The following TBX1 variants were observed in gnomAD, a reference collection of about 807,000 sequenced individuals.
TBX1 encodes the protein T-box transcription factor 1.
A neutral mutation model predicts 40.8 loss-of-function variants in TBX1; 16 were observed. The observed-to-expected ratio is 0.39, with a 90% confidence interval of 0.27 to 0.60. The LOEUF is 0.60. Ranked by LOEUF, TBX1 falls within the 20% of genes least tolerant of loss-of-function variation. TBX1 has a pLI of 0.51. For missense variants in TBX1, 755 were observed against 728.5 expected, an observed-to-expected ratio of 1.04 and a Z score of -0.42; for synonymous variants, 403 against 336.8, an observed-to-expected ratio of 1.20 and a Z score of -2.15.
chr22:19,767,470 C>T, downstream of TBX1: 1 of 846,698 alleles, frequency 1.2e-6, no homozygotes, highest in Non-Finnish European at 1.4e-6. Context: ...GTCCCGGTCC[C>T]ACAGCGCCCT....
chr22:19,767,282 C>T lies in TBX1; in HGVS notation c.*415C>T. 1.0e-6 allele frequency: 1 copy of T among 999,902 alleles called. No homozygotes were observed. Among genetic ancestry groups the T allele is most frequent in the Non-Finnish European group, 1.2e-6 (1 of 839,824 alleles). The allele number at this position is 999,902 out of a possible 1,614,324, so 61.9% of individuals were successfully genotyped here. A position where few individuals can be genotyped will look rare whatever the true frequency, so the allele number is the denominator to read the frequency against. On this transcript the variant is annotated 3_prime_UTR_variant, in exon 7 of 7. Transcript: ENST00000649276. Reference sequence around the variant, plus strand: ...TAGATACATGTAGATACTGTAGATACTGTAGATACCGCCCCGGCGCCGACT... The same window carrying T: ...TAGATACATGTAGATACTGTAGATATTGTAGATACCGCCCCGGCGCCGACT...
chr22:19,760,881 T>C lies in TBX1; in HGVS notation c.38T>C (p.Leu13Pro). 9.5e-7 allele frequency: 1 copy of C among 1,052,826 alleles called. No individual in the cohort carries two copies. Among genetic ancestry groups the C allele is most frequent in the Non-Finnish European group, 1.2e-6 (1 of 864,502 alleles). The allele number at this position is 1,052,826 out of a possible 1,614,324, so 65.2% of individuals were successfully genotyped here. The change falls in exon 1 of 7, where the codon CTC becomes CCC. Residue 13 changes from leucine (L) to proline (P), a missense_variant. This residue lies in a region of TBX1 where 199 missense variants were observed against 173.0 expected (regional missense o/e 1.15). Transcript: ENST00000649276. ...SAVSSPWLTQ[L>P]SHFCDVAAFT... ...GTGTCCAGCCCGTGGCTCACGCAGC[T>C]CTCGCATTTCTGCGACGTTGCAGCC... is the stretch of plus-strand genomic sequence containing the variant.
chr22:19,771,494 G>A (rs1050854739), downstream of TBX1, among the ~76,000 whole-genome samples: 3 of 152,214 alleles, frequency 2.0e-5, no homozygotes, highest in Non-Finnish European at 2.9e-5. Context: ...TGGGGGAGAG[G>A]CTTAGCTTTT....
At chr22:19,760,645 G>A (rs1380261698), upstream of TBX1, among the ~76,000 whole-genome samples, 6 of 105,676 alleles carry the variant, frequency 5.7e-5, no homozygotes, top group Non-Finnish European at 1.2e-4. Flanking sequence ...GCGAGGGCCG[G>A]GGGAGGGATC....
At chr22:19,760,266 G>A (rs1936601157), upstream of TBX1, among the ~76,000 whole-genome samples, 1 of 148,936 alleles carries the variant, frequency 6.7e-6, no homozygotes, top group African/African-American at 2.5e-5. Flanking sequence ...ACAAAAATAA[G>A]AGGAAAGGCA....
downstream of TBX1, chr22:19,783,371 T>A (rs1248854414): frequency 2.8e-6 from 1 of 353,928 alleles, no homozygotes; most frequent in African/African-American, 2.1e-5. Flanking sequence ...AGGGGACAGA[T>A]GTGCTGCTGT....
At chr22:19,757,824 CTGAGAGACAT>C (rs1390219211), upstream of TBX1, among the ~76,000 whole-genome samples, 1 of 152,188 alleles carries the variant, frequency 6.6e-6, no homozygotes, top group African/African-American at 2.4e-5. Context: ...CTCAGTGACA[CTGAGAGACAT>C]AAGTCATTGT....
chr22:19,762,305 G>C (rs1292263109), intron 1 of TBX1, among the ~76,000 whole-genome samples: 1 of 152,266 alleles, frequency 6.6e-6, no homozygotes, highest in Non-Finnish European at 1.5e-5. Context: ...GGGTGGGGGA[G>C]GGAGCGGGCC....
At position 19,760,813 on chromosome 22, in the gene TBX1, TGGCGGG is replaced by T. The variant is rs1361399234; in HGVS notation, c.-25_-20del. The T allele has an allele frequency of 1.5e-6, 1 of 687,632 alleles. No homozygotes were observed. Among genetic ancestry groups the T allele is most frequent in the Non-Finnish European group, 1.7e-6 (1 of 580,982 alleles). The allele number at this position is 687,632 out of a possible 1,614,324, so 42.6% of individuals were successfully genotyped here. On this transcript the variant is annotated 5_prime_UTR_variant, in exon 1 of 7. Coordinates refer to ENST00000649276, the MANE Select transcript of TBX1 (RefSeq NM_001379200.1). ...CGGCGCGGGGCAGCGCTCAGCTTGG[TGGCGGG>T]GGCGGCGGCGGCGGCCCGCGGGTCA...
In TBX1 at chr22:19,766,863, G is replaced by C. The variant is rs926713371; in HGVS notation, c.1511G>C (p.Arg504Thr). The C allele has an allele frequency of 3.2e-6, 5 of 1,582,586 alleles. No individual in the cohort carries two copies. The highest frequency in any genetic ancestry group is 3.4e-6 in the Non-Finnish European group (4 of 1,172,306). Reference protein sequence around the residue: ...APPGSYDYCPR With the variant: ...APPGSYDYCPT ...CCCGGCTCCTACGACTATTGCCCCA[G>C]ATAACACGGGCCCTGTCGCGCTCCC... is the stretch of plus-strand genomic sequence containing the variant. Residue 504 changes from arginine to threonine, a missense_variant, in exon 7 of 7, where the codon AGA becomes ACA. Around this residue, in one of 3 missense-constraint regions of TBX1, gnomAD observed 412 missense variants for 317.6 expected, o/e 1.30. Transcript: ENST00000649276.
downstream of TBX1, chr22:19,783,218 G>C (rs991265572): frequency 6.5e-6 from 4 of 619,418 alleles, no homozygotes; most frequent in African/African-American, 5.5e-5. Context: ...TGGCTGTTAT[G>C]CTGCTCTGTT....
chr22:19,779,442 C>T (rs765951294), exon 9 of TBX1: 4 of 1,613,122 alleles, frequency 2.5e-6, no homozygotes, highest in South Asian at 1.1e-5. Flanking sequence ...ATGGAGTTGT[C>T]GTGTTTCCCT....
At chr22:19,759,152 C>T (rs898833047), upstream of TBX1, among the ~76,000 whole-genome samples, 2 of 152,190 alleles carry the variant, frequency 1.3e-5, no homozygotes, top group African/African-American at 4.8e-5. Context: ...TAGAAGCTGA[C>T]GGTGGCTTCG....
chr22:19,778,703 G>C (rs1177324119), intron 8 of TBX1, among the ~76,000 whole-genome samples: 1 of 152,096 alleles, frequency 6.6e-6, no homozygotes, highest in Non-Finnish European at 1.5e-5. Flanking sequence ...CCAAAGTTCT[G>C]GGATTGTAGG....
chr22:19,761,362 G>T, intron 1 of TBX1, 82 bp downstream of exon 1: 2 of 1,380,750 alleles, frequency 1.4e-6, no homozygotes, highest in Non-Finnish European at 1.9e-6. Flanking sequence ...CCGCGCGAGC[G>T]GGGCCGAAAG....
In TBX1 at chr22:19,761,222, G is replaced by A. The variant is rs1936649923; in HGVS notation, c.379G>A (p.Ala127Thr). Residue 127 changes from alanine to threonine, a missense_variant, in exon 1 of 7, where the codon GCG (alanine) becomes ACG (threonine). Around this residue, in one of 3 missense-constraint regions of TBX1, gnomAD observed 199 missense variants for 173.0 expected, o/e 1.15. Transcript: ENST00000649276. The part of the protein sequence containing the change: ...AGVSVQLEMK[A>T]LWDEFNQLGT... Reference sequence around the variant, plus strand: ...TGTGAGCGTGCAGCTAGAGATGAAGGCGCTGTGGGACGAGTTCAACCAGCT... The same window carrying A: ...TGTGAGCGTGCAGCTAGAGATGAAGACGCTGTGGGACGAGTTCAACCAGCT... The A allele has an allele frequency of 1.3e-6, 2 of 1,571,352 alleles. No individual in the cohort carries two copies. The highest frequency in any genetic ancestry group is 1.4e-5 in the African/African-American group (1 of 71,494).
intron 8 of TBX1, among the ~76,000 whole-genome samples, chr22:19,779,047 C>A (rs1937109328): frequency 6.6e-6 from 1 of 152,184 alleles, no homozygotes; most frequent in Non-Finnish European, 1.5e-5. Context: ...GCTGTGGAGG[C>A]CGTGTCTGTG....
upstream of TBX1, among the ~76,000 whole-genome samples, chr22:19,759,963 G>A (rs41298790): frequency 3.3e-5 from 5 of 152,234 alleles, no homozygotes; most frequent in Admixed American, 6.5e-5. Flanking sequence ...CCTGGAGAGG[G>A]GGGAGGAAAG....
chr22:19,773,734 C>T (rs1206164913), intron 8 of TBX1, among the ~76,000 whole-genome samples: 4 of 152,260 alleles, frequency 2.6e-5, no homozygotes, highest in African/African-American at 9.6e-5. Flanking sequence ...CCCCAGGCAT[C>T]TCGGCATCCT....
Sources: gnomAD v4.1 joint callset for allele counts (sites outside exome capture counted in the v4.1 genomes callset) on GRCh38, gnomAD v4.1.1 for gene constraint, gnomAD v4.1.1 regional missense constraint, MANE v1.5 for transcripts, NCBI Gene and HGNC (gene_info 2026-07-23, HGNC 2026-07-21) for gene names.